The following NEDD4 variants were observed in gnomAD, a reference collection of about 807,000 sequenced individuals.
The protein encoded by NEDD4 is NEDD4 E3 ubiquitin protein ligase, also known as E3 ubiquitin-protein ligase NEDD4.
NEDD4 carries 99 observed loss-of-function variants against 144.9 expected under a neutral mutation model. The observed-to-expected ratio is 0.68, with a 90% confidence interval of 0.58 to 0.81. The LOEUF is 0.81. Ranked by LOEUF, NEDD4 falls within the 30% of genes least tolerant of loss-of-function variation. The pLI is 0.00. For synonymous variants in NEDD4, 318 were observed against 350.6 expected (o/e 0.91, Z 1.04); for missense variants, 985 against 1,065.9 (o/e 0.92, Z 1.06).
chr15:55,837,944 G>T, intron 23 of NEDD4, 95 bp from the exon 24 acceptor site: 2 of 1,073,712 alleles, frequency 1.9e-6, no homozygotes, highest in South Asian at 1.4e-5. Flanking sequence ...GGCTAGCTGA[G>T]ACCAAGGTAA....
intron 5 of NEDD4, among the ~76,000 whole-genome samples, chr15:55,912,404 A>G (rs1245913404): frequency 6.6e-6 from 1 of 152,174 alleles, no homozygotes; most frequent in African/African-American, 2.4e-5. Context: ...TAAGCAATTT[A>G]CCTATTTAGG....
chr15:55,974,010 A>G (rs2037658610), intron 1 of NEDD4, among the ~76,000 whole-genome samples: 1 of 152,128 alleles, frequency 6.6e-6, no homozygotes, highest in Non-Finnish European at 1.5e-5. Context: ...TTGAAAAGAT[A>G]AACAAAATAG....
At chr15:55,854,737 G>A (rs1448872637) in intron 12 of NEDD4, among the ~76,000 whole-genome samples, 1 of 151,680 alleles carries the variant, frequency 6.6e-6, no homozygotes, top group African/African-American at 2.4e-5. Context: ...AAACATGGGT[G>A]GATTTTATGG....
chr15:55,984,622 C>T (rs1180345448), intron 1 of NEDD4, among the ~76,000 whole-genome samples: 3 of 152,204 alleles, frequency 2.0e-5, no homozygotes, highest in Non-Finnish European at 4.4e-5. Context: ...TGAAGCCAGA[C>T]ATTTGAGTCC....
intron 5 of NEDD4, among the ~76,000 whole-genome samples, chr15:55,924,037 G>T (rs1387823798): frequency 6.6e-6 from 1 of 152,168 alleles, no homozygotes; most frequent in African/African-American, 2.4e-5. Flanking sequence ...TTAGGAAAAG[G>T]ATAGGACTTT....
chr15:55,829,999 A>T lies in NEDD4; in HGVS notation c.2601T>A (p.Cys867Ter), dbSNP rs1438995216. ...TPEKLPRAHT[C>*]FNRLDLPPYE... ...AAGGTGGCAAGTCCAGGCGATTAAA[A>T]CTGAAAGAACAGAGAGGAAGTGGTT... The change falls in exon 29 of 29, where the codon TGT becomes TGA. Residue 867 changes from cysteine (C) to a stop codon, truncating the protein, a stop_gained and splice_region_variant. Transcript: ENST00000435532. LOFTEE classifies it high-confidence loss of function. 7 of 1,608,786 alleles carry T rather than the reference A, an allele frequency of 4.4e-6. No individual in the cohort carries two copies. Among genetic ancestry groups the T allele is most frequent in the Non-Finnish European group, 5.9e-6 (7 of 1,176,656 alleles).
At chr15:55,920,651 T>C (rs1360868462) in intron 5 of NEDD4, among the ~76,000 whole-genome samples, 2 of 152,210 alleles carry the variant, frequency 1.3e-5, no homozygotes, top group African/African-American at 4.8e-5. Flanking sequence ...ATATTATACT[T>C]GTGTTCTTCA....
chr15:55,928,011 TA>T (rs2036707563), intron 4 of NEDD4, among the ~76,000 whole-genome samples: 2 of 152,150 alleles, frequency 1.3e-5, no homozygotes, highest in South Asian at 4.1e-4. Flanking sequence ...CAGGATTCAC[TA>T]CCTCAACTAT....
At chr15:55,953,197 C>T (rs1403690593) in intron 2 of NEDD4, among the ~76,000 whole-genome samples, 1 of 151,972 alleles carries the variant, frequency 6.6e-6, no homozygotes, top group Non-Finnish European at 1.5e-5. Flanking sequence ...ACCATGTTGG[C>T]CAGGATGGTC....
intron 18 of NEDD4, among the ~76,000 whole-genome samples, chr15:55,846,226 C>T (rs2033736288): frequency 6.6e-6 from 1 of 152,148 alleles, no homozygotes; most frequent in Non-Finnish European, 1.5e-5. Context: ...GTGGCCCACC[C>T]ACCATCTTGA....
chr15:55,915,410 G>T, intron 5 of NEDD4: 1 of 1,613,736 alleles, frequency 6.2e-7, no homozygotes, highest in South Asian at 1.1e-5. Context: ...TAGAACAATT[G>T]TGCTTAAGGC....
At position 55,829,259 on chromosome 15, in the gene NEDD4, G is replaced by A. The variant is rs1369406805; in HGVS notation, c.*638C>T. On this transcript the variant is annotated 3_prime_UTR_variant, in exon 29 of 29. Coordinates refer to ENST00000435532, the MANE Select transcript of NEDD4 (RefSeq NM_006154.4). ...CATATTAACAAAAGCCAAATACTTCGAAAGTGAAGAAGTAAACAGTTTTTC... is the reference window on the plus strand; with the variant it reads ...CATATTAACAAAAGCCAAATACTTCAAAAGTGAAGAAGTAAACAGTTTTTC... 2.6e-5 allele frequency: 4 copies of A among 152,126 alleles called. No individual in the cohort carries two copies. The highest frequency in any genetic ancestry group is 4.4e-5 in the Non-Finnish European group (3 of 68,026). The allele number at this position is 152,126 out of a possible 1,614,324, so 9.4% of individuals were successfully genotyped here. A position where few individuals can be genotyped will look rare whatever the true frequency, so the allele number is the denominator to read the frequency against.
chr15:55,988,488 A>T (rs201091807), intron 1 of NEDD4, among the ~76,000 whole-genome samples: 16 of 21,172 alleles, frequency 7.6e-4, no homozygotes, highest in East Asian at 2.6e-3. Context: ...AAAAAAAATT[A>T]AAAAAAAAAA....
chr15:55,847,105 G>T, intron 17 of NEDD4, 71 bp from the exon 18 acceptor site: 1 of 1,049,470 alleles, frequency 9.5e-7, no homozygotes, highest in Non-Finnish European at 1.4e-6. Context: ...TTTATTTGTT[G>T]TATTTTATGA....
At position 55,858,249 on chromosome 15, in the gene NEDD4, A is replaced by G. The variant is rs566912794; in HGVS notation, c.961-2053T>C. Among the ~76,000 whole-genome samples the G allele has an allele frequency of 1.4e-4, 21 of 152,246 alleles. 1 individual carries two copies. The South Asian group carries it at 4.4e-3, about 32-fold the overall frequency. ...ATGTATTACTTTAAGTAAAAAAAAT[A>G]CCAGGAAGAAGGGGAATGGGATCGT... On this transcript the variant is annotated intron_variant, in intron 11 of 28. Transcript: ENST00000435532.
chr15:55,936,461 A>G (rs1290075509), intron 4 of NEDD4, among the ~76,000 whole-genome samples: 1 of 152,188 alleles, frequency 6.6e-6, no homozygotes, highest in African/African-American at 2.4e-5. Context: ...AAAGCATATT[A>G]TCAGTGGTGG....
intron 2 of NEDD4, among the ~76,000 whole-genome samples, chr15:55,954,988 C>G (rs1566967852): frequency 1.3e-5 from 2 of 152,278 alleles, no homozygotes; most frequent in Non-Finnish European, 2.9e-5. Flanking sequence ...CACTGCACTG[C>G]ATTGTATTGC....
Position 55,924,719 on chromosome 15 carries a change from T to C in NEDD4, c.238-20A>G. The C allele has an allele frequency of 6.3e-7, 1 of 1,599,142 alleles. No homozygotes were observed. The highest frequency in any genetic ancestry group is 8.5e-7 in the Non-Finnish European group (1 of 1,172,284). On this transcript the variant is annotated intron_variant, in intron 4 of 28. Coordinates refer to ENST00000435532, the MANE Select transcript of NEDD4 (RefSeq NM_006154.4). The stretch of plus-strand genomic sequence containing the variant: ...ATGAACCTAAGAAAAACACAATCTT[T>C]ATTTAAAAACAAGTAAACATCAACC...
Position 55,950,734 on chromosome 15 carries a change from C to T in NEDD4, c.237+642G>A, listed in dbSNP as rs557471673. Among the ~76,000 whole-genome samples, 41 of 152,164 alleles carry T rather than the reference C, an allele frequency of 2.7e-4. 2 individuals are homozygous for T. The South Asian group carries it at 8.5e-3, about 32-fold the overall frequency. ...CTTATTCAGGTGAACAGAGAAACGA[C>T]TCAACAGCTAAAGGGGAATATGGGG... On this transcript the variant is annotated intron_variant, in intron 4 of 28. Coordinates refer to ENST00000435532, the MANE Select transcript of NEDD4 (RefSeq NM_006154.4).
Sources: allele counts gnomAD v4.1 joint callset (sites outside exome capture counted in the v4.1 genomes callset), GRCh38; gene constraint gnomAD v4.1.1; transcripts MANE v1.5; gene names NCBI Gene and HGNC (gene_info 2026-07-23, HGNC 2026-07-21).